The following MAP2K5 variants were observed in gnomAD, a reference collection of about 807,000 sequenced individuals.
MAP2K5 encodes mitogen-activated protein kinase kinase 5.
A neutral mutation model predicts 83.1 loss-of-function variants in MAP2K5; 49 were observed. The observed-to-expected ratio is 0.59, with a 90% confidence interval of 0.47 to 0.75. MAP2K5 has a LOEUF of 0.75. MAP2K5 is among the 30% of genes least tolerant of loss of function. The pLI, the probability that MAP2K5 is intolerant of heterozygous loss-of-function variation, is 0.00. For synonymous variants in MAP2K5, 202 were observed against 191.8 expected (o/e 1.05, Z -0.44); for missense variants, 457 against 557.5 (o/e 0.82, Z 1.82).
intron 13 of MAP2K5, among the ~76,000 whole-genome samples, chr15:67,667,428 T>C (rs1015555323): frequency 6.6e-6 from 1 of 152,176 alleles, no homozygotes; most frequent in African/African-American, 2.4e-5. Context: ...TGAATGATGA[T>C]GGGAATTCTA....
At chr15:67,773,873 G>T (rs906427139) in intron 21 of MAP2K5, among the ~76,000 whole-genome samples, 1 of 152,158 alleles carries the variant, frequency 6.6e-6, no homozygotes, top group Non-Finnish European at 1.5e-5. Flanking sequence ...CTTGGAACAG[G>T]TTCTAGAGAT....
rs1393418401 is a variant in MAP2K5 at position 67,746,010 on chromosome 15, A to G, written c.1075-2221A>G. Among the ~76,000 whole-genome samples the G allele has an allele frequency of 6.6e-6, 1 of 152,204 alleles. No homozygotes were observed. Among genetic ancestry groups the G allele is most frequent in the East Asian group, 1.9e-4 (1 of 5,206 alleles). On this transcript the variant is annotated intron_variant, in intron 17 of 21. Transcript: ENST00000178640. This position sits in a 1 kb window ranked among gnomAD's most constrained non-coding sequence, Gnocchi z 4.1. Reference sequence around the variant, plus strand: ...TCTTTAAAAACCTGGGCAAAACAGTATAGTTATAAGATTATAAAAAAAGAC... The same window carrying G: ...TCTTTAAAAACCTGGGCAAAACAGTGTAGTTATAAGATTATAAAAAAAGAC...
chr15:67,633,472 G>A (rs543396436), intron 9 of MAP2K5, among the ~76,000 whole-genome samples: 4 of 152,306 alleles, frequency 2.6e-5, no homozygotes, highest in Non-Finnish European at 5.9e-5. Flanking sequence ...AATATTAAAA[G>A]TATTGTGCAT....
intron 8 of MAP2K5, among the ~76,000 whole-genome samples, chr15:67,623,165 A>G (rs2086227219): frequency 6.6e-6 from 1 of 152,202 alleles, no homozygotes; most frequent in Non-Finnish European, 1.5e-5. Context: ...TATGCCTCAT[A>G]TTTTCCTGTT....
At chr15:67,585,427 T>C (rs1487414488) in intron 4 of MAP2K5, among the ~76,000 whole-genome samples, 7 of 152,242 alleles carry the variant, frequency 4.6e-5, no homozygotes, top group Non-Finnish European at 8.8e-5. Context: ...TGCAAAGTAG[T>C]ATTCAAACTA....
At chr15:67,741,679 C>G (rs1444551708) in intron 17 of MAP2K5, among the ~76,000 whole-genome samples, 2 of 151,970 alleles carry the variant, frequency 1.3e-5, no homozygotes, top group Non-Finnish European at 2.9e-5. Flanking sequence ...GTTGGAGTAT[C>G]CTTAGTAATA....
chr15:67,748,221 C>T lies in MAP2K5; in HGVS notation c.1075-10C>T, dbSNP rs777026282. 9 of 1,600,098 alleles carry T rather than the reference C, an allele frequency of 5.6e-6. No homozygotes were observed. In the East Asian group the frequency reaches 2.0e-4, roughly 36 times the overall value. ...TTATGACATGCTAATTACATATTGCCTTTTTTCAGATTCAGAAAAACCAGG... is the reference window on the plus strand; with the variant it reads ...TTATGACATGCTAATTACATATTGCTTTTTTTCAGATTCAGAAAAACCAGG... On this transcript the variant is annotated splice_polypyrimidine_tract_variant and intron_variant, in intron 17 of 21. Transcript: ENST00000178640. The surrounding 1 kb of genome is among the most constrained non-coding windows in gnomAD (Gnocchi z 4.0).
rs2085317513 is a variant in MAP2K5, at chr15:67,587,692, G to A, written c.431+779G>A. Reference sequence around the variant, plus strand: ...GTTTTAGTTAAGCCCTCAGAACGTGGTTGTTCCCTCTTCCAGGTCAACAGC... The same window carrying A: ...GTTTTAGTTAAGCCCTCAGAACGTGATTGTTCCCTCTTCCAGGTCAACAGC... On this transcript the variant is annotated intron_variant, in intron 6 of 21. Transcript: ENST00000178640. The surrounding 1 kb of genome is among the most constrained non-coding windows in gnomAD (Gnocchi z 4.8). Among the ~76,000 whole-genome samples the A allele has an allele frequency of 6.6e-6, 1 of 152,174 alleles. No homozygotes were observed. Among genetic ancestry groups the A allele is most frequent in the Non-Finnish European group, 1.5e-5 (1 of 68,024 alleles).
At chr15:67,544,796 C>G (rs2084360484) in intron 1 of MAP2K5, among the ~76,000 whole-genome samples, 1 of 152,202 alleles carries the variant, frequency 6.6e-6, no homozygotes, top group Admixed American at 6.5e-5. Context: ...AATTTGATTT[C>G]TATAACTTCA....
chr15:67,669,608 G>C (rs1036137154), intron 13 of MAP2K5, among the ~76,000 whole-genome samples: 2 of 152,060 alleles, frequency 1.3e-5, no homozygotes, highest in African/African-American at 4.8e-5. Flanking sequence ...GCCCAGATCA[G>C]GGAGATAGTT....
rs1280811692 is a variant in MAP2K5, at chr15:67,676,129, G to C, written c.847+11484G>C. On this transcript the variant is annotated intron_variant, in intron 13 of 21. Coordinates refer to ENST00000178640, the MANE Select transcript of MAP2K5 (RefSeq NM_145160.3). The surrounding 1 kb of genome is among the most constrained non-coding windows in gnomAD (Gnocchi z 4.8). ...ACCCAGCAAGATGCCCCCAGTGTGT[G>C]GATGAGTGTTTGATTCACCAAGCCC... 6.6e-6 allele frequency among the ~76,000 whole-genome samples: 1 copy of C among 151,940 alleles called. No individual in the cohort carries two copies. The highest frequency in any genetic ancestry group is 1.5e-5 in the Non-Finnish European group (1 of 68,030).
At chr15:67,589,649 A>C (rs1257355660) in intron 6 of MAP2K5, among the ~76,000 whole-genome samples, 1 of 152,224 alleles carries the variant, frequency 6.6e-6, no homozygotes, top group African/African-American at 2.4e-5. Context: ...ACATAATGGA[A>C]TATCTATGTA....
intron 8 of MAP2K5, among the ~76,000 whole-genome samples, chr15:67,607,961 A>T (rs1358650526): frequency 6.6e-6 from 1 of 152,198 alleles, no homozygotes; most frequent in African/African-American, 2.4e-5. Context: ...TCAAGTAAGA[A>T]TTTGCTGAAT....
At chr15:67,625,545 A>G (rs2086297783) in intron 8 of MAP2K5, among the ~76,000 whole-genome samples, 1 of 152,240 alleles carries the variant, frequency 6.6e-6, no homozygotes, top group Non-Finnish European at 1.5e-5. Flanking sequence ...AAACTTCATT[A>G]ATCACTTTAC....
At chr15:67,796,833 G>T (rs1229336962) in intron 21 of MAP2K5, among the ~76,000 whole-genome samples, 3 of 152,188 alleles carry the variant, frequency 2.0e-5, no homozygotes, top group Admixed American at 1.3e-4. Flanking sequence ...AGGAAGTAGG[G>T]TGTCCAGACT....
chr15:67,698,943 C>G lies in MAP2K5; in HGVS notation c.973-4394C>G, dbSNP rs1175413770. 1.3e-5 allele frequency among the ~76,000 whole-genome samples: 2 copies of G among 152,114 alleles called. No individual in the cohort carries two copies. The highest frequency in any genetic ancestry group is 6.5e-5 in the Admixed American group (1 of 15,276). Reference sequence around the variant, plus strand: ...ACCCCAGGAGGTATACGTATTACTACTATTATTTATTATTACTCTCTTCAT... The same window carrying G: ...ACCCCAGGAGGTATACGTATTACTAGTATTATTTATTATTACTCTCTTCAT... On this transcript the variant is annotated intron_variant, in intron 15 of 21. Coordinates refer to ENST00000178640, the MANE Select transcript of MAP2K5 (RefSeq NM_145160.3). The surrounding 1 kb of genome is among the most constrained non-coding windows in gnomAD (Gnocchi z 4.5).
chr15:67,662,130 A>T (rs1266472205), intron 12 of MAP2K5, among the ~76,000 whole-genome samples: 1 of 152,144 alleles, frequency 6.6e-6, no homozygotes, highest in African/African-American at 2.4e-5. Flanking sequence ...ACTAGAATTG[A>T]TGAATCTATG....
intron 16 of MAP2K5, among the ~76,000 whole-genome samples, chr15:67,725,623 T>C (rs1416290812): frequency 6.6e-6 from 1 of 152,254 alleles, no homozygotes; most frequent in Non-Finnish European, 1.5e-5. Context: ...TAGAATGTTC[T>C]AAGTGCTTTG....
At chr15:67,673,528 G>A (rs1596768875) in intron 13 of MAP2K5, among the ~76,000 whole-genome samples, 1 of 152,130 alleles carries the variant, frequency 6.6e-6, no homozygotes, top group African/African-American at 2.4e-5. Context: ...CCTTAGGAAA[G>A]AAATTTTGAT....
Sources: allele counts gnomAD v4.1 joint callset (sites outside exome capture counted in the v4.1 genomes callset), GRCh38; gene constraint gnomAD v4.1.1; non-coding constraint Gnocchi (gnomAD v3.1); transcripts MANE v1.5; gene names NCBI Gene and HGNC (gene_info 2026-07-23, HGNC 2026-07-21).